Variants in PLEKHA7 observed in about 807,000 individuals in gnomAD.
The protein encoded by PLEKHA7 is pleckstrin homology domain-containing family A member 7.
PLEKHA7 carries 104 observed loss-of-function variants against 170.0 expected under a neutral mutation model. The ratio of observed to expected loss-of-function variants is 0.61; its 90% confidence interval spans 0.52 to 0.72. The LOEUF (loss-of-function observed/expected upper bound fraction) is 0.72. Among genes scored for constraint, PLEKHA7 ranks in the 30% least tolerant of loss-of-function variants. PLEKHA7 has a pLI of 0.00. For missense variants in PLEKHA7, 1,615 were observed against 1,671.7 expected (o/e 0.97, Z 0.59); for synonymous variants, 648 against 660.8 (o/e 0.98, Z 0.30).
At chr11:16,794,034 A>T (rs2134264163) in intron 19 of PLEKHA7, among the ~76,000 whole-genome samples, 1 of 152,296 alleles carries the variant, frequency 6.6e-6, no homozygotes, top group Non-Finnish European at 1.5e-5. Flanking sequence ...GCATCCTCAC[A>T]ACCCAGCCCA....
intron 3 of PLEKHA7, among the ~76,000 whole-genome samples, chr11:16,907,530 G>A (rs1191818682): frequency 9.2e-4 from 100 of 108,582 alleles, no homozygotes; most frequent in African/African-American, 3.5e-3. Context: ...TCAGCCCCCC[G>A]CCCAGCCAGC....
intron 9 of PLEKHA7, among the ~76,000 whole-genome samples, chr11:16,826,975 T>C (rs420975): frequency 0.11 from 16,292 of 152,296 alleles, 1,032 homozygotes; most frequent in East Asian, 0.16. Context: ...TGGTATGGAA[T>C]AGGCACTCCG....
intron 26 of PLEKHA7, among the ~76,000 whole-genome samples, chr11:16,779,985 G>A (rs1005527901): frequency 1.4e-5 from 2 of 147,770 alleles, no homozygotes; most frequent in African/African-American, 5.1e-5. Flanking sequence ...CGGGGAGGGG[G>A]GGGGGAATAT....
At chr11:16,896,739 T>C (rs1232578844) in intron 3 of PLEKHA7, among the ~76,000 whole-genome samples, 1 of 152,216 alleles carries the variant, frequency 6.6e-6, no homozygotes, top group African/African-American at 2.4e-5. Flanking sequence ...GGAAAAAGGA[T>C]AAACTTCTTA....
rs761535689 is a variant in PLEKHA7 at position 16,826,375 on chromosome 11, G to C, written c.1088C>G (p.Ser363Cys). Reference sequence around the variant, plus strand: ...ATCCTCCTCGGCTGGCGAGTACGGAGACCTGGCCTTGCTCCGGTCCCGCTT... The same window carrying C: ...ATCCTCCTCGGCTGGCGAGTACGGACACCTGGCCTTGCTCCGGTCCCGCTT... ...EGKRDRSKAR[S>C]PYSPAEEDAL... The change falls in exon 10 of 27, where the codon TCT becomes TGT. Residue 363 changes from serine to cysteine, a missense_variant. Coordinates refer to ENST00000531066, the MANE Select transcript of PLEKHA7 (RefSeq NM_001329630.2). The C allele has an allele frequency of 6.2e-7, 1 of 1,614,250 alleles. No homozygotes were observed. Among genetic ancestry groups the C allele is most frequent in the Non-Finnish European group, 8.5e-7 (1 of 1,180,052 alleles).
At chr11:16,885,697 T>C (rs948815087) in intron 3 of PLEKHA7, among the ~76,000 whole-genome samples, 5 of 150,126 alleles carry the variant, frequency 3.3e-5, no homozygotes, top group Admixed American at 1.3e-4. Flanking sequence ...ACTGAGCTTT[T>C]GAAAGGTAAA....
At chr11:16,946,581 A>C (rs1288809769) in intron 3 of PLEKHA7, among the ~76,000 whole-genome samples, 1 of 152,224 alleles carries the variant, frequency 6.6e-6, no homozygotes, top group Non-Finnish European at 1.5e-5. Flanking sequence ...TTGCAAAATC[A>C]GTATGCACAG....
chr11:16,820,616 T>C (rs1393697112), intron 10 of PLEKHA7, among the ~76,000 whole-genome samples: 1 of 152,204 alleles, frequency 6.6e-6, no homozygotes, highest in African/African-American at 2.4e-5. Flanking sequence ...CTAACCATTG[T>C]TCATTCTGCC....
intron 17 of PLEKHA7, chr11:16,795,295 G>A (rs1027393158): frequency 2.4e-5 from 10 of 412,240 alleles, no homozygotes; most frequent in African/African-American, 1.8e-4. Context: ...GTGCCATTCC[G>A]CTAAAATACT....
intron 4 of PLEKHA7, among the ~76,000 whole-genome samples, chr11:16,869,908 G>GA (rs1399232693): frequency 2.0e-5 from 3 of 152,130 alleles, no homozygotes; most frequent in East Asian, 3.9e-4. Flanking sequence ...ATTTGAAGAA[G>GA]AAAAAAACCT....
intron 8 of PLEKHA7, among the ~76,000 whole-genome samples, chr11:16,849,155 A>C (rs1487849535): frequency 6.6e-6 from 1 of 152,252 alleles, no homozygotes; most frequent in African/African-American, 2.4e-5. Flanking sequence ...TCTCTCAGAC[A>C]AAAGATTTAG....
At chr11:17,007,776 G>C (rs1208120476) in intron 3 of PLEKHA7, among the ~76,000 whole-genome samples, 2 of 152,006 alleles carry the variant, frequency 1.3e-5, no homozygotes, top group African/African-American at 4.8e-5. Context: ...GTTTTACCAT[G>C]TTGCCCAGGC....
At position 16,826,292 on chromosome 11, in the gene PLEKHA7, C is replaced by A. The variant is rs200409238; in HGVS notation, c.1171G>T (p.Ala391Ser). ...GCAGGCAGCATTCCATTCTTCTCTG[C>A]CCGTTGGGGCTGTGCCTGCTGGCCT... ...PRGQQAQPQR[A>S]EKNGMLPASY... is the part of the protein sequence containing the mutation. The change falls in exon 10 of 27, where the codon GCA (alanine) becomes TCA (serine). Residue 391 changes from alanine (A) to serine (S), a missense_variant. By Grantham distance (99) the Ala-to-Ser change is moderately conservative. Coordinates refer to ENST00000531066, the MANE Select transcript of PLEKHA7 (RefSeq NM_001329630.2). The A allele has an allele frequency of 4.3e-6, 7 of 1,614,234 alleles. No homozygotes were observed. The East Asian group carries it at 1.3e-4, about 31-fold the overall frequency.
rs201484450 is a variant in PLEKHA7 at position 16,794,587 on chromosome 11, G to T, written c.2646C>A (p.Phe882Leu). 1 of 1,613,516 alleles carries T rather than the reference G, an allele frequency of 6.2e-7. No homozygotes were observed. Residue 882 changes from phenylalanine (F) to leucine (L), a missense_variant, in exon 19 of 27, where the codon TTC becomes TTA. Phe to Leu is a conservative substitution (Grantham distance 22). Coordinates refer to ENST00000531066, the MANE Select transcript of PLEKHA7 (RefSeq NM_001329630.2). ...ACGGCACGTAGGTTTGCAGCTGGGG[G>T]AAGAGTCGAACCTCCAGAGGGGTCC... ...PVRTPLEVRLFPQLQTYVPYR... is the reference protein window; with the variant it reads ...PVRTPLEVRLLPQLQTYVPYR...
intron 3 of PLEKHA7, among the ~76,000 whole-genome samples, chr11:16,887,971 T>C (rs530698923): frequency 1.3e-3 from 177 of 137,868 alleles, no homozygotes; most frequent in African/African-American, 4.7e-3. Flanking sequence ...CGGCCGCCCA[T>C]CGTCTGAGAT....
At chr11:16,855,540 G>A in intron 5 of PLEKHA7, 1 of 437,580 alleles carries the variant, frequency 2.3e-6, no homozygotes, top group Non-Finnish European at 4.0e-6. Flanking sequence ...TAGAAACGTG[G>A]CCCTCCCAAC....
chr11:17,004,540 GCAC>G (rs1864870089), intron 3 of PLEKHA7, among the ~76,000 whole-genome samples: 1 of 151,710 alleles, frequency 6.6e-6, no homozygotes, highest in South Asian at 2.1e-4. Context: ...TTACAGGCAC[GCAC>G]CACCATACCC....
At chr11:16,831,424 C>T (rs180686766) in intron 9 of PLEKHA7, among the ~76,000 whole-genome samples, 1 of 152,178 alleles carries the variant, frequency 6.6e-6, no homozygotes. Context: ...AAGCACCCCT[C>T]GGCCGTCAAT....
chr11:16,856,505 A>G (rs568510962), intron 4 of PLEKHA7, among the ~76,000 whole-genome samples: 1 of 152,214 alleles, frequency 6.6e-6, no homozygotes, highest in African/African-American at 2.4e-5. Flanking sequence ...AGAGATATTA[A>G]CCCCTTGTGC....
Sources: allele counts gnomAD v4.1 joint callset (sites outside exome capture counted in the v4.1 genomes callset), GRCh38; gene constraint gnomAD v4.1.1; transcripts MANE v1.5; gene names NCBI Gene and HGNC (gene_info 2026-07-23, HGNC 2026-07-21).